The following NRG3 variants were observed in gnomAD, a reference collection of about 807,000 sequenced individuals.
NRG3 encodes neuregulin 3.
Under a neutral mutation model 66.9 loss-of-function variants are expected in NRG3, and 31 were observed. That is an observed-to-expected ratio of 0.46 (90% CI 0.35 to 0.63). NRG3 has a LOEUF of 0.63. NRG3 is among the 20% of genes least tolerant of loss of function. NRG3 has a pLI of 0.00. For synonymous variants in NRG3, 393 were observed against 359.4 expected, an observed-to-expected ratio of 1.09 and a Z score of -1.06; for missense variants, 910 against 878.9, an observed-to-expected ratio of 1.04 and a Z score of -0.45.
intron 1 of NRG3, among the ~76,000 whole-genome samples, chr10:82,236,444 C>T (rs1446651233): frequency 6.6e-6 from 1 of 152,138 alleles, no homozygotes; most frequent in Non-Finnish European, 1.5e-5. Flanking sequence ...TTTCCTGCTC[C>T]CCGTGATTTC....
At chr10:82,413,380 C>A (rs1408335796) in intron 2 of NRG3, among the ~76,000 whole-genome samples, 1 of 152,108 alleles carries the variant, frequency 6.6e-6, no homozygotes, top group African/African-American at 2.4e-5. Flanking sequence ...AGCAGTAGGT[C>A]TCAATAGTGG....
At chr10:82,404,968 A>G (rs1211516800) in intron 2 of NRG3, among the ~76,000 whole-genome samples, 1 of 152,126 alleles carries the variant, frequency 6.6e-6, no homozygotes, top group Non-Finnish European at 1.5e-5. Flanking sequence ...TCTTTCACTC[A>G]TCCAACCGCT....
chr10:82,257,191 A>G (rs1015073153), intron 1 of NRG3, among the ~76,000 whole-genome samples: 7 of 152,190 alleles, frequency 4.6e-5, no homozygotes, highest in African/African-American at 4.8e-5. Flanking sequence ...GAAAGAGTCA[A>G]TCAGTCCAAA....
At chr10:82,651,123 A>G (rs1345188878) in intron 2 of NRG3, among the ~76,000 whole-genome samples, 1 of 152,208 alleles carries the variant, frequency 6.6e-6, no homozygotes, top group East Asian at 1.9e-4. Context: ...TAGGCCAACT[A>G]TTTGTAGTGC....
At chr10:82,347,766 A>G (rs373492997) in intron 1 of NRG3, among the ~76,000 whole-genome samples, 1 of 152,176 alleles carries the variant, frequency 6.6e-6, no homozygotes, top group Non-Finnish European at 1.5e-5. Flanking sequence ...TTGGGTGCAT[A>G]TATATTTAGG....
At chr10:82,386,997 A>G (rs2086042752) in intron 2 of NRG3, among the ~76,000 whole-genome samples, 1 of 152,080 alleles carries the variant, frequency 6.6e-6, no homozygotes, top group African/African-American at 2.4e-5. Context: ...ATGGGATCTC[A>G]CCATGTTGGC....
intron 3 of NRG3, among the ~76,000 whole-genome samples, chr10:82,765,005 A>G (rs1274981845): frequency 6.6e-6 from 1 of 152,198 alleles, no homozygotes; most frequent in South Asian, 2.1e-4. Flanking sequence ...TCCAATATCA[A>G]ATTATCAATA....
chr10:82,535,363 A>G (rs530256327), intron 2 of NRG3, among the ~76,000 whole-genome samples: 1 of 152,018 alleles, frequency 6.6e-6, no homozygotes, highest in African/African-American at 2.4e-5. Flanking sequence ...AGCCCAGAAC[A>G]CTTTATTTAC....
At chr10:82,230,537 C>G (rs1180831366) in intron 1 of NRG3, among the ~76,000 whole-genome samples, 1 of 151,318 alleles carries the variant, frequency 6.6e-6, no homozygotes, top group Non-Finnish European at 1.5e-5. Context: ...AACTGACAAA[C>G]AGTTTTCAAC....
At chr10:82,156,235 T>C (rs1274345411) in intron 1 of NRG3, among the ~76,000 whole-genome samples, 4 of 151,282 alleles carry the variant, frequency 2.6e-5, no homozygotes, top group Admixed American at 6.6e-5. Context: ...CTTACATAGA[T>C]TGATTATAAC....
At chr10:82,156,277 C>T (rs73320389) in intron 1 of NRG3, among the ~76,000 whole-genome samples, 9,868 of 151,192 alleles carry the variant, frequency 0.065, 1,098 homozygotes, top group African/African-American at 0.23. Flanking sequence ...CACAAACACT[C>T]ATTGTGTTCT....
chr10:82,474,810 T>G (rs1179957875), intron 2 of NRG3, among the ~76,000 whole-genome samples: 1 of 152,094 alleles, frequency 6.6e-6, no homozygotes, highest in African/African-American at 2.4e-5. Flanking sequence ...AGAGTGTACC[T>G]ATATTAAGAC....
intron 2 of NRG3, among the ~76,000 whole-genome samples, chr10:82,698,972 A>G (rs1213382992): frequency 6.6e-6 from 1 of 152,200 alleles, no homozygotes; most frequent in Non-Finnish European, 1.5e-5. Context: ...TGATATTTCT[A>G]TGGCTAACTC....
chr10:82,785,163 A>T (rs1402597919), intron 3 of NRG3, among the ~76,000 whole-genome samples: 1 of 147,890 alleles, frequency 6.8e-6, no homozygotes. Flanking sequence ...ATGAGAGCAC[A>T]TGGACACAGG....
At chr10:82,291,456 T>C (rs1266097466) in intron 1 of NRG3, among the ~76,000 whole-genome samples, 1 of 152,198 alleles carries the variant, frequency 6.6e-6, no homozygotes, top group Non-Finnish European at 1.5e-5. Flanking sequence ...CTTAGCAAGA[T>C]CTTTTGTAGA....
At chr10:82,802,982 T>C (rs1173180555) in intron 3 of NRG3, among the ~76,000 whole-genome samples, 1 of 152,146 alleles carries the variant, frequency 6.6e-6, no homozygotes, top group Non-Finnish European at 1.5e-5. Flanking sequence ...CTCCCTAGGT[T>C]CCTTATTTTG....
intron 4 of NRG3, among the ~76,000 whole-genome samples, chr10:82,889,210 T>C (rs489466): frequency 0.45 from 68,877 of 151,752 alleles, 15,938 homozygotes; most frequent in African/African-American, 0.52. Flanking sequence ...GACACGAGGG[T>C]GACCTGAACA....
chr10:82,032,883 A>C (rs772029887), intron 1 of NRG3, among the ~76,000 whole-genome samples: 2 of 152,088 alleles, frequency 1.3e-5, no homozygotes, highest in Non-Finnish European at 1.5e-5. Context: ...TTGTCCTTAC[A>C]GTGTCTTCAT....
chr10:82,606,595 A>G (rs1056057131), intron 2 of NRG3, among the ~76,000 whole-genome samples: 5 of 152,162 alleles, frequency 3.3e-5, no homozygotes, highest in African/African-American at 1.2e-4. Flanking sequence ...ACACCAGCAC[A>G]AGGTTAACAA....
Sources: allele counts gnomAD v4.1 joint callset (sites outside exome capture counted in the v4.1 genomes callset), GRCh38; gene constraint gnomAD v4.1.1; transcripts MANE v1.5; gene names NCBI Gene and HGNC (gene_info 2026-07-23, HGNC 2026-07-21).